The following MCU variants were observed in gnomAD, a reference collection of about 807,000 sequenced individuals.
MCU encodes mitochondrial calcium uniporter, also known as calcium uniporter protein, mitochondrial.
MCU carries 12 observed loss-of-function variants against 45.2 expected under a neutral mutation model. That is an observed-to-expected ratio of 0.27 (90% confidence interval 0.17 to 0.43). The LOEUF (loss-of-function observed/expected upper bound fraction) is 0.43, where lower values mean the gene tolerates loss of function less well. MCU is among the 20% of genes least tolerant of loss of function. The pLI, the probability that MCU is intolerant of heterozygous loss-of-function variation, is 1.00. For missense variants in MCU, 324 were observed against 436.7 expected (o/e 0.74, Z 2.30); for synonymous variants, 160 against 165.1 (o/e 0.97, Z 0.24).
chr10:72,835,608 A>G (rs1405812271), intron 2 of MCU, among the ~76,000 whole-genome samples: 7 of 152,216 alleles, frequency 4.6e-5, no homozygotes, highest in Admixed American at 2.0e-4. Context: ...ACGTGAATTT[A>G]TAGACAGTGT....
At chr10:72,884,171 C>T (rs957070245) in intron 6 of MCU, 95 bp from the exon 7 acceptor site, 18 of 750,882 alleles carry the variant, frequency 2.4e-5, no homozygotes, top group African/African-American at 6.9e-5. Context: ...TCAGCACACA[C>T]GCATACATAT....
intron 4 of MCU, among the ~76,000 whole-genome samples, chr10:72,867,381 A>G (rs1033877300): frequency 1.3e-5 from 2 of 152,180 alleles, no homozygotes; most frequent in African/African-American, 2.4e-5. Flanking sequence ...CTAGAAATAC[A>G]TGCTACTCAC....
At chr10:72,779,032 C>T (rs944334816) in intron 1 of MCU, among the ~76,000 whole-genome samples, 20 of 152,068 alleles carry the variant, frequency 1.3e-4, no homozygotes, top group South Asian at 2.1e-4. Context: ...TGCTGTGGCA[C>T]GATCTTGGCT....
At chr10:72,832,319 A>G (rs1359324956) in intron 1 of MCU, among the ~76,000 whole-genome samples, 1 of 152,256 alleles carries the variant, frequency 6.6e-6, no homozygotes, top group Non-Finnish European at 1.5e-5. Context: ...TATTAATTAA[A>G]GTATGTAGGC....
intron 1 of MCU, among the ~76,000 whole-genome samples, chr10:72,738,709 T>A (rs191124051): frequency 6.6e-6 from 1 of 152,378 alleles, no homozygotes; most frequent in East Asian, 1.9e-4. Flanking sequence ...GCCTGTTGCC[T>A]GGACAATGAA....
chr10:72,732,470 A>T (rs1484217344), intron 1 of MCU, among the ~76,000 whole-genome samples: 2 of 152,334 alleles, frequency 1.3e-5, no homozygotes, highest in African/African-American at 4.8e-5. Context: ...AAAAAATGAG[A>T]TAGAGACTGT....
At chr10:72,772,394 A>G (rs1347780131) in intron 1 of MCU, among the ~76,000 whole-genome samples, 3 of 152,224 alleles carry the variant, frequency 2.0e-5, no homozygotes, top group Non-Finnish European at 4.4e-5. Flanking sequence ...AAGCAGATAC[A>G]TCTAATAAAA....
intron 2 of MCU, among the ~76,000 whole-genome samples, chr10:72,845,686 A>G (rs1257497918): frequency 1.3e-5 from 2 of 152,194 alleles, no homozygotes; most frequent in Admixed American, 6.5e-5. Context: ...AATATTATCT[A>G]TGATGTTCAC....
chr10:72,827,642 A>G (rs746911518), intron 1 of MCU, among the ~76,000 whole-genome samples: 9 of 152,146 alleles, frequency 5.9e-5, no homozygotes, highest in African/African-American at 2.2e-4. Context: ...TGTTGAGTCA[A>G]TCTCTTATGG....
chr10:72,790,752 A>G (rs1042307531), intron 1 of MCU, among the ~76,000 whole-genome samples: 5 of 152,322 alleles, frequency 3.3e-5, no homozygotes, highest in African/African-American at 9.6e-5. Context: ...GCTTTATGCC[A>G]CTATGCTCAG....
At chr10:72,742,576 T>C (rs1160002758) in intron 1 of MCU, among the ~76,000 whole-genome samples, 1 of 152,208 alleles carries the variant, frequency 6.6e-6, no homozygotes, top group South Asian at 2.1e-4. Flanking sequence ...GCATATTTAC[T>C]GGGGAGAGTG....
chr10:72,791,353 G>A (rs1472547084), intron 1 of MCU, among the ~76,000 whole-genome samples: 1 of 152,122 alleles, frequency 6.6e-6, no homozygotes, highest in Non-Finnish European at 1.5e-5. Context: ...ACTGTAAACC[G>A]TATCCATTAG....
At chr10:72,800,897 G>A (rs984585741) in intron 1 of MCU, among the ~76,000 whole-genome samples, 7 of 152,072 alleles carry the variant, frequency 4.6e-5, no homozygotes, top group Non-Finnish European at 1.0e-4. Context: ...CCAGAAGTTC[G>A]AGACCAGCCT....
intron 1 of MCU, among the ~76,000 whole-genome samples, chr10:72,804,055 TATATATATATATATATATAA>T (rs1373430829): frequency 1.1e-4 from 8 of 73,434 alleles, no homozygotes; most frequent in African/African-American, 5.6e-4. Flanking sequence ...TATATATATA[TATATATATATATATATATAA>T]AATAAGAGTG....
chr10:72,848,704 T>C (rs1279375982), intron 2 of MCU, among the ~76,000 whole-genome samples: 1 of 149,246 alleles, frequency 6.7e-6, no homozygotes, highest in African/African-American at 2.5e-5. Flanking sequence ...GTACTAAATA[T>C]TGTGTATTGA....
intron 3 of MCU, 66 bp downstream of exon 3, chr10:72,859,413 A>C: frequency 2.1e-6 from 3 of 1,421,004 alleles, no homozygotes; most frequent in Admixed American, 4.2e-5. Flanking sequence ...TTCTAGACAC[A>C]TACATACACC....
At chr10:72,878,724 A>G (rs1325228294) in intron 6 of MCU, among the ~76,000 whole-genome samples, 1 of 152,202 alleles carries the variant, frequency 6.6e-6, no homozygotes, top group Non-Finnish European at 1.5e-5. Context: ...AGTAAGGCAC[A>G]AGAAACTATT....
At chr10:72,836,535 G>A (rs555222512) in intron 2 of MCU, among the ~76,000 whole-genome samples, 1 of 152,052 alleles carries the variant, frequency 6.6e-6, no homozygotes, top group South Asian at 2.1e-4. Context: ...TATCCATATG[G>A]AGATATTTCA....
At chr10:72,773,701 G>C (rs776429155) in intron 1 of MCU, among the ~76,000 whole-genome samples, 50 of 152,008 alleles carry the variant, frequency 3.3e-4, no homozygotes, top group Admixed American at 7.9e-4. Flanking sequence ...CAAAAGTTAA[G>C]AACAGAAAGA....
Sources: gnomAD v4.1 joint callset for allele counts (sites outside exome capture counted in the v4.1 genomes callset) on GRCh38, gnomAD v4.1.1 for gene constraint, MANE v1.5 for transcripts, NCBI Gene and HGNC (gene_info 2026-07-23, HGNC 2026-07-21) for gene names.